MAP2: variants seen among roughly 807,000 people sequenced by gnomAD.
MAP2 encodes microtubule associated protein 2, also known as microtubule-associated protein 2.
Under a neutral mutation model 137.6 loss-of-function variants are expected in MAP2, and 14 were observed. The ratio of observed to expected loss-of-function variants is 0.10; its 90% CI spans 0.07 to 0.16. The LOEUF is 0.16. MAP2 is among the 10% of genes least tolerant of loss of function. MAP2 has a pLI of 1.00. For synonymous variants in MAP2, 786 were observed against 782.3 expected (o/e 1.00, Z -0.08); for missense variants, 2,088 against 2,191.5 (o/e 0.95, Z 0.94).
chr2:209,653,025 G>A (rs2094911453), intron 4 of MAP2, 117 bp from the exon 5 acceptor site: 3 of 686,454 alleles, frequency 4.4e-6, no homozygotes, highest in South Asian at 2.4e-5. Context: ...TATTGTACAT[G>A]TTTTCTTTGA....
intron 4 of MAP2, among the ~76,000 whole-genome samples, chr2:209,636,691 T>C (rs982400851): frequency 3.9e-5 from 6 of 152,182 alleles, no homozygotes; most frequent in African/African-American, 1.4e-4. Context: ...TATTTAAATA[T>C]ACACTGTAAG....
chr2:209,429,072 G>A (rs1437589598), intron 1 of MAP2, among the ~76,000 whole-genome samples: 2 of 151,978 alleles, frequency 1.3e-5, no homozygotes, highest in African/African-American at 4.8e-5. Flanking sequence ...TCCTGCCTCA[G>A]CCTCCCGAGT....
intron 13 of MAP2, among the ~76,000 whole-genome samples, chr2:209,717,258 T>A (rs562866001): frequency 1.3e-5 from 2 of 152,244 alleles, no homozygotes; most frequent in South Asian, 4.2e-4. Context: ...ATAGGAACTT[T>A]CACTCTCTCT....
intron 2 of MAP2, among the ~76,000 whole-genome samples, chr2:209,570,291 T>G (rs2074179759): frequency 6.6e-6 from 1 of 151,876 alleles, no homozygotes; most frequent in African/African-American, 2.4e-5. Context: ...TCTCTTCCTC[T>G]TCTGATACCT....
intron 2 of MAP2, among the ~76,000 whole-genome samples, chr2:209,543,099 T>A (rs1285916553): frequency 4.6e-5 from 7 of 152,224 alleles, no homozygotes; most frequent in Non-Finnish European, 5.9e-5. Context: ...TTTATTTCAC[T>A]TTAACATTTA....
Position 209,692,807 on chromosome 2 carries a change from A to T in MAP2, c.637A>T (p.Met213Leu). 1 of 1,613,676 alleles carries T rather than the reference A, an allele frequency of 6.2e-7. No individual in the cohort carries two copies. Among genetic ancestry groups the T allele is most frequent in the African/African-American group, 1.3e-5 (1 of 75,002 alleles). Residue 213 changes from methionine (M) to leucine (L), a missense_variant, in exon 8 of 16, where the codon ATG becomes TTG. Met to Leu is a conservative substitution (Grantham distance 15). This residue lies in a region of MAP2 where 859 missense variants were observed against 794.5 expected (regional missense o/e 1.08). Coordinates refer to ENST00000682079, the MANE Select transcript of MAP2 (RefSeq NM_001375505.1). ...TAAAACTTACCCTGATAAAAAGGAC[A>T]TGCAAGGCACGGAAGAAGAAAAAGC... ...TTKTYPDKKD[M>L]QGTEEEKAPL...
chr2:209,475,581 A>T (rs1222948861), intron 1 of MAP2, among the ~76,000 whole-genome samples: 1 of 152,134 alleles, frequency 6.6e-6, no homozygotes, highest in East Asian at 1.9e-4. Flanking sequence ...AGTGAAGTAC[A>T]GCTTAGGGGT....
chr2:209,586,560 A>G (rs938832161), intron 3 of MAP2, among the ~76,000 whole-genome samples: 1 of 152,154 alleles, frequency 6.6e-6, no homozygotes, highest in Non-Finnish European at 1.5e-5. Flanking sequence ...GGAACTAATC[A>G]GTGGGCTAAC....
chr2:209,500,741 A>G (rs797003426), intron 1 of MAP2, among the ~76,000 whole-genome samples: 16 of 151,814 alleles, frequency 1.1e-4, no homozygotes, highest in African/African-American at 3.9e-4. Context: ...ACAAACAAAC[A>G]ACAACAAAAA....
At chr2:209,512,369 GTGTT>G (rs919345038) in intron 2 of MAP2, among the ~76,000 whole-genome samples, 164 of 151,788 alleles carry the variant, frequency 1.1e-3, no homozygotes, top group Admixed American at 2.0e-3. Context: ...ATAAATAGGA[GTGTT>G]TGTTCCATTG....
intron 2 of MAP2, among the ~76,000 whole-genome samples, chr2:209,578,329 A>G (rs759998442): frequency 2.4e-4 from 37 of 152,172 alleles, no homozygotes; most frequent in Non-Finnish European, 4.6e-4. Context: ...GTGATTAAAA[A>G]ATGGGGCAGA....
At chr2:209,657,212 T>C (rs2041355912) in intron 5 of MAP2, among the ~76,000 whole-genome samples, 1 of 152,240 alleles carries the variant, frequency 6.6e-6, no homozygotes, top group Non-Finnish European at 1.5e-5. Context: ...ATACCTTTGC[T>C]ATTGTGAATG....
intron 4 of MAP2, among the ~76,000 whole-genome samples, chr2:209,651,030 G>A (rs1459829667): frequency 6.6e-6 from 1 of 152,178 alleles, no homozygotes; most frequent in Non-Finnish European, 1.5e-5. Context: ...TCAGTAAAAT[G>A]TTGTGATCCA....
chr2:209,557,104 A>T (rs1221507695), intron 2 of MAP2, among the ~76,000 whole-genome samples: 1 of 152,206 alleles, frequency 6.6e-6, no homozygotes, highest in Non-Finnish European at 1.5e-5. Flanking sequence ...GTTAAGTAAT[A>T]CTCAGTAGGC....
intron 1 of MAP2, among the ~76,000 whole-genome samples, chr2:209,439,305 C>T (rs1432450878): frequency 1.3e-5 from 2 of 151,448 alleles, no homozygotes; most frequent in Admixed American, 6.6e-5. Flanking sequence ...TTGCTAAGGT[C>T]CACATTTATT....
At chr2:209,602,514 G>A (rs1380730857) in intron 3 of MAP2, among the ~76,000 whole-genome samples, 1 of 152,130 alleles carries the variant, frequency 6.6e-6, no homozygotes, top group Non-Finnish European at 1.5e-5. Context: ...TAGAATCCCA[G>A]CACTTTGAAC....
Position 209,505,083 on chromosome 2 carries a change from T to G in MAP2, c.-221-2509T>G, listed in dbSNP as rs1324975580. 3.3e-5 allele frequency among the ~76,000 whole-genome samples: 5 copies of G among 152,274 alleles called. No homozygotes were observed. The South Asian group carries it at 8.3e-4, about 25-fold the overall frequency. On this transcript the variant is annotated intron_variant, in intron 1 of 15. Coordinates refer to ENST00000682079, the MANE Select transcript of MAP2 (RefSeq NM_001375505.1). Reference sequence around the variant, plus strand: ...ACTCTCCTAGTATTTTTATTTTAAATTTCTCATACTTTCTCTTTAAATTTG... The same window carrying G: ...ACTCTCCTAGTATTTTTATTTTAAAGTTCTCATACTTTCTCTTTAAATTTG...
intron 5 of MAP2, among the ~76,000 whole-genome samples, chr2:209,662,814 T>C (rs1408418203): frequency 6.6e-6 from 1 of 152,026 alleles, no homozygotes; most frequent in Non-Finnish European, 1.5e-5. Context: ...CTTTGTTATA[T>C]TTCGGAGTAT....
At chr2:209,479,221 A>C (rs1481442932) in intron 1 of MAP2, among the ~76,000 whole-genome samples, 1 of 152,098 alleles carries the variant, frequency 6.6e-6, no homozygotes, top group Non-Finnish European at 1.5e-5. Context: ...GTTGTGCAAA[A>C]AACATATATC....
Sources: gnomAD v4.1 joint callset for allele counts (sites outside exome capture counted in the v4.1 genomes callset) on GRCh38, gnomAD v4.1.1 for gene constraint, gnomAD v4.1.1 regional missense constraint, MANE v1.5 for transcripts, NCBI Gene and HGNC (gene_info 2026-07-23, HGNC 2026-07-21) for gene names.